Variants in HEPH observed in about 807,000 individuals in gnomAD.
HEPH encodes the protein hephaestin.
In HEPH, 69 loss-of-function variants were observed where a neutral mutation model predicts 80.8. That is an observed-to-expected ratio of 0.85 (90% CI 0.70 to 1.04). The LOEUF is 1.04. HEPH is among the 50% of genes least tolerant of loss of function. HEPH has a pLI of 0.00. For missense variants in HEPH, 1,115 were observed against 891.3 expected (o/e 1.25, Z -3.20); for synonymous variants, 431 against 322.8 (o/e 1.34, Z -3.60).
intron 15 of HEPH, among the ~76,000 whole-genome samples, chrX:66,249,759 C>T (rs1051403251): frequency 6.3e-5 from 7 of 111,445 alleles, no homozygotes; most frequent in Admixed American, 9.5e-5. Flanking sequence ...GAGCCCATGC[C>T]CAGAGTTTCT....
chrX:66,253,372 A>G (rs1412147121), intron 15 of HEPH, among the ~76,000 whole-genome samples: 3 of 112,574 alleles, frequency 2.7e-5, no homozygotes, highest in Admixed American at 1.9e-4. Context: ...AACATGGTTA[A>G]CCGTCAGAGA....
chrX:66,190,294 G>A (rs2087722709), intron 6 of HEPH, among the ~76,000 whole-genome samples: 1 of 111,123 alleles, frequency 9.0e-6, no homozygotes, highest in Admixed American at 9.6e-5. Context: ...GTGAAGGAGA[G>A]ATTAATTAAA....
Position 66,249,722 on chromosome X carries a change from G to T in HEPH, c.2564-5313G>T, listed in dbSNP as rs189094395. 2.7e-5 allele frequency among the ~76,000 whole-genome samples: 3 copies of T among 111,636 alleles called. No individual in the cohort carries two copies. The East Asian group carries it at 8.5e-4, about 32-fold the overall frequency. Reference sequence around the variant, plus strand: ...TAGTGGACATGACAATCACTTAGAGGGATTGTTAGATTGCCCATAGGCTGC... The same window carrying T: ...TAGTGGACATGACAATCACTTAGAGTGATTGTTAGATTGCCCATAGGCTGC... On this transcript the variant is annotated intron_variant, in intron 15 of 20. Coordinates refer to ENST00000343002, the MANE Select transcript of HEPH (RefSeq NM_001367233.3).
chrX:66,263,842 A>T (rs2091442756), intron 20 of HEPH, among the ~76,000 whole-genome samples, 154 bp downstream of exon 20: 1 of 111,189 alleles, frequency 9.0e-6, no homozygotes, highest in Non-Finnish European at 1.9e-5. Flanking sequence ...TTCAGAAGCC[A>T]AAGAACCAAG....
chrX:66,236,929 G>T (rs1287550337), intron 15 of HEPH, among the ~76,000 whole-genome samples: 1 of 111,479 alleles, frequency 9.0e-6, no homozygotes, highest in African/African-American at 3.3e-5. Flanking sequence ...AATATTCTTT[G>T]TTGGCTATCT....
Position 66,208,187 on chromosome X carries a change from CTGT to C in HEPH, c.2505_2507del (p.Val836del). The C allele has an allele frequency of 8.3e-7, 1 of 1,207,847 alleles. No individual in the cohort carries two copies. Among genetic ancestry groups the C allele is most frequent in the Non-Finnish European group, 1.1e-6 (1 of 892,319 alleles). ...AAGAATAATGCCAGCCGCCCCTACT[CTGT>C]GCATGCTCATGGAGTGCTAGAATCT... On this transcript the variant is annotated inframe_deletion, in exon 15 of 21. Coordinates refer to ENST00000343002, the MANE Select transcript of HEPH (RefSeq NM_001367233.3).
intron 7 of HEPH, among the ~76,000 whole-genome samples, chrX:66,193,184 C>T (rs2087904483): frequency 9.0e-6 from 1 of 110,571 alleles, no homozygotes; most frequent in South Asian, 3.8e-4. Context: ...GAACTGGTCC[C>T]AGTGCCTGGA....
upstream of HEPH, among the ~76,000 whole-genome samples, chrX:66,163,055 T>A (rs1278613521): frequency 1.8e-5 from 2 of 111,903 alleles, no homozygotes; most frequent in Non-Finnish European, 3.8e-5. Context: ...ATCTTCTATG[T>A]TTAATATCTA....
At chrX:66,200,430 C>T in intron 11 of HEPH, 110 bp from the exon 12 acceptor site, 1 of 557,193 alleles carries the variant, frequency 1.8e-6, no homozygotes, top group Non-Finnish European at 2.9e-6. Context: ...GATGACTCAG[C>T]AGTTTCAAGT....
chrX:66,174,435 T>C (rs2086720386), intron 4 of HEPH, among the ~76,000 whole-genome samples: 2 of 112,347 alleles, frequency 1.8e-5, no homozygotes, highest in Admixed American at 1.9e-4. Flanking sequence ...GTTGGTTCCA[T>C]GATTTTGCAA....
chrX:66,211,708 A>G (rs775397513), intron 15 of HEPH, among the ~76,000 whole-genome samples: 2 of 111,814 alleles, frequency 1.8e-5, no homozygotes, highest in Non-Finnish European at 3.8e-5. Context: ...TCCATTGTGT[A>G]TATATACCAC....
At chrX:66,169,541 A>C (rs1001909119) in intron 1 of HEPH, among the ~76,000 whole-genome samples, 3 of 112,098 alleles carry the variant, frequency 2.7e-5, no homozygotes, top group Non-Finnish European at 5.6e-5. Context: ...ATTCTGACTC[A>C]GGATTAGACC....
At chrX:66,174,561 T>C (rs1459930427) in intron 4 of HEPH, among the ~76,000 whole-genome samples, 5 of 112,311 alleles carry the variant, frequency 4.5e-5, no homozygotes, top group Non-Finnish European at 9.4e-5. Flanking sequence ...GTAATTCTAC[T>C]TTTAATTCAT....
At chrX:66,259,712 T>A (rs1435718401) in intron 18 of HEPH, among the ~76,000 whole-genome samples, 8 of 84,903 alleles carry the variant, frequency 9.4e-5, no homozygotes, top group Admixed American at 1.2e-4. Context: ...TAAAGTGGAC[T>A]TTTTTTTTTT....
intron 15 of HEPH, among the ~76,000 whole-genome samples, chrX:66,251,513 C>T (rs1163331617): frequency 9.0e-6 from 1 of 111,346 alleles, no homozygotes; most frequent in African/African-American, 3.3e-5. Context: ...GTGAAATGTC[C>T]GTTCAATTTT....
At chrX:66,250,970 G>T (rs1227241935) in intron 15 of HEPH, among the ~76,000 whole-genome samples, 1 of 112,046 alleles carries the variant, frequency 8.9e-6, no homozygotes, top group Non-Finnish European at 1.9e-5. Context: ...TGCAACCTCT[G>T]CCCCCAAGGT....
chrX:66,211,213 C>T (rs2089097981), intron 15 of HEPH, among the ~76,000 whole-genome samples: 2 of 111,122 alleles, frequency 1.8e-5, no homozygotes, highest in Admixed American at 9.5e-5. Context: ...AGGAGGTACT[C>T]TATCTTAAAT....
At chrX:66,223,695 A>G (rs1406532119) in intron 15 of HEPH, among the ~76,000 whole-genome samples, 1 of 111,787 alleles carries the variant, frequency 8.9e-6, no homozygotes, top group Non-Finnish European at 1.9e-5. Context: ...TTTTTTTATA[A>G]TTAACATTTT....
intron 13 of HEPH, among the ~76,000 whole-genome samples, chrX:66,206,795 C>A (rs1037342644): frequency 9.1e-6 from 1 of 109,937 alleles, no homozygotes; most frequent in Non-Finnish European, 1.9e-5. Flanking sequence ...GTGGGTGAAT[C>A]ATCTGAGGTC....
Sources: allele counts gnomAD v4.1 joint callset (sites outside exome capture counted in the v4.1 genomes callset), GRCh38; gene constraint gnomAD v4.1.1; transcripts MANE v1.5; gene names NCBI Gene and HGNC (gene_info 2026-07-23, HGNC 2026-07-21).